Variants in SOD2 observed in about 807,000 individuals in gnomAD.
The protein encoded by SOD2 is superoxide dismutase 2, also known as superoxide dismutase [Mn], mitochondrial.
In SOD2, 11 loss-of-function variants were observed where a neutral mutation model predicts 27.0. That is an observed-to-expected ratio of 0.41 (90% CI 0.26 to 0.67). The LOEUF is 0.67. Ranked by LOEUF, SOD2 falls within the 30% of genes least tolerant of loss-of-function variation. The pLI, the probability that SOD2 is intolerant of heterozygous loss-of-function variation, is 0.34. For missense variants in SOD2, 250 were observed against 274.5 expected (o/e 0.91, Z 0.63); for synonymous variants, 105 against 103.0 (o/e 1.02, Z -0.12).
At chr6:159,694,798 T>C (rs1440279833), upstream of SOD2, among the ~76,000 whole-genome samples, 1 of 151,318 alleles carries the variant, frequency 6.6e-6, no homozygotes, top group Non-Finnish European at 1.5e-5. Flanking sequence ...GAGACGGGGT[T>C]TCACTATGTT....
upstream of SOD2, among the ~76,000 whole-genome samples, chr6:159,731,391 C>A (rs1000024361): frequency 3.3e-5 from 5 of 151,984 alleles, no homozygotes; most frequent in African/African-American, 1.2e-4. Flanking sequence ...TCAGTTGAGC[C>A]CAAGAGATGG....
rs941926687 is a variant in SOD2, at chr6:159,677,347, A to C, written c.*5146T>G. 5.3e-5 allele frequency: 8 copies of C among 152,096 alleles called. No individual in the cohort carries two copies. The highest frequency in any genetic ancestry group is 1.2e-4 in the Non-Finnish European group (8 of 68,036). 9.4% of individuals were successfully genotyped at this position (152,096 alleles called of 1,614,324 possible). On this transcript the variant is annotated 3_prime_UTR_variant, in exon 5 of 5. Coordinates refer to ENST00000538183, the MANE Select transcript of SOD2 (RefSeq NM_000636.4). ...CCAGAAGCATCTTGACAACAGAAGC[A>C]CTCTCATTACTGTAAAGCCCACAAT...
At chr6:159,743,029 G>C (rs538165416) in intron 1 of SOD2, among the ~76,000 whole-genome samples, 3 of 152,252 alleles carry the variant, frequency 2.0e-5, no homozygotes, top group African/African-American at 7.2e-5. Flanking sequence ...AAATTGTCCA[G>C]CAGTTATTAC....
chr6:159,687,068 T>C (rs867476830), intron 3 of SOD2, among the ~76,000 whole-genome samples: 1 of 152,028 alleles, frequency 6.6e-6, no homozygotes. Context: ...GAGTGAAAAA[T>C]AGCAAATGAC....
chr6:159,684,721 ACT>A (rs1457258787), intron 4 of SOD2, 131 bp downstream of exon 4: 9 of 583,302 alleles, frequency 1.5e-5, no homozygotes, highest in Non-Finnish European at 2.6e-5. Context: ...CTTACACAAG[ACT>A]CTGGGTGTTA....
At chr6:159,753,746 G>A (rs1779902907) in intron 1 of SOD2, 2 of 1,161,758 alleles carry the variant, frequency 1.7e-6, no homozygotes, top group Non-Finnish European at 2.3e-6. Flanking sequence ...ATTATTGTGA[G>A]TGAAGCATTT....
intron 1 of SOD2, among the ~76,000 whole-genome samples, chr6:159,742,650 A>G (rs1268511696): frequency 6.6e-6 from 1 of 152,128 alleles, no homozygotes; most frequent in Non-Finnish European, 1.5e-5. Context: ...TGAATCACAT[A>G]CTATTTGTTG....
rs918316534 is a variant in SOD2, at chr6:159,671,548, A to T, written c.*10945T>A. The T allele has an allele frequency of 6.6e-6, 1 of 152,318 alleles. No individual in the cohort carries two copies. The highest frequency in any genetic ancestry group is 2.4e-5 in the African/African-American group (1 of 41,472). 9.4% of individuals were successfully genotyped at this position (152,318 alleles called of 1,614,324 possible). On this transcript the variant is annotated 3_prime_UTR_variant, in exon 5 of 5. Transcript: ENST00000538183. ...CTGGCGGTCCTGACTGTTAGAAGGA[A>T]AACTAACAAACAGAAAGGACATCCA... is the stretch of plus-strand genomic sequence containing the variant.
intron 1 of SOD2, among the ~76,000 whole-genome samples, chr6:159,743,337 G>C (rs1421474685): frequency 1.3e-5 from 2 of 152,228 alleles, no homozygotes; most frequent in African/African-American, 4.8e-5. Context: ...GTGAGCCTCT[G>C]TGCCCAGACA....
intron 1 of SOD2, among the ~76,000 whole-genome samples, chr6:159,702,716 T>C (rs898947392): frequency 1.5e-4 from 20 of 130,732 alleles, no homozygotes; most frequent in African/African-American, 5.5e-4. Flanking sequence ...CCAGGCATGG[T>C]GGTGTGCGCC....
intron 1 of SOD2, among the ~76,000 whole-genome samples, chr6:159,720,950 G>A (rs1268155896): frequency 7.1e-6 from 1 of 141,462 alleles, no homozygotes; most frequent in African/African-American, 2.6e-5. Context: ...TCTGCTCCTG[G>A]GTTCAAGTGA....
chr6:159,743,714 A>G, intron 1 of SOD2: 2 of 1,613,484 alleles, frequency 1.2e-6, no homozygotes, highest in Non-Finnish European at 1.7e-6. Context: ...TAAAGCAACA[A>G]CAGCAGGAGT....
Position 159,680,160 on chromosome 6 carries a change from T to C in SOD2, c.*2333A>G, listed in dbSNP as rs1206739446. On this transcript the variant is annotated 3_prime_UTR_variant, in exon 5 of 5. Transcript: ENST00000538183. ...GCTTAGTAGGAATCAAAAAGCTTTA[T>C]ATAAGTCAGCAGATCTGCAAACCTT... 1 of 152,252 alleles carries C rather than the reference T, an allele frequency of 6.6e-6. No individual in the cohort carries two copies. The highest frequency in any genetic ancestry group is 1.5e-5 in the Non-Finnish European group (1 of 68,048). The allele number at this position is 152,252 out of a possible 1,614,324, so 9.4% of individuals were successfully genotyped here.
chr6:159,716,650 A>G (rs776841480), intron 1 of SOD2, among the ~76,000 whole-genome samples: 2 of 152,202 alleles, frequency 1.3e-5, no homozygotes, highest in Non-Finnish European at 2.9e-5. Flanking sequence ...CATCAAGGGC[A>G]TGACGGGAGG....
intron 1 of SOD2, among the ~76,000 whole-genome samples, chr6:159,711,845 A>C (rs1331642939): frequency 3.1e-5 from 4 of 128,408 alleles, no homozygotes; most frequent in Admixed American, 7.7e-5. Flanking sequence ...TCTGACCACC[A>C]TAACCACCTC....
chr6:159,726,899 CCTCT>C (rs899694886), intron 1 of SOD2: 53 of 1,289,008 alleles, frequency 4.1e-5, no homozygotes, highest in Non-Finnish European at 5.4e-5. Flanking sequence ...CCGCCCACGG[CCTCT>C]CTCTTGAGGT....
intron 1 of SOD2, chr6:159,736,400 T>C (rs1778919402): frequency 7.7e-6 from 7 of 908,076 alleles, no homozygotes; most frequent in Admixed American, 2.2e-5. Flanking sequence ...CGTTGTTTGC[T>C]TATTTTTCAT....
chr6:159,755,159 T>C lies in SOD2; in HGVS notation c.-336+5878A>G, dbSNP rs919845109. 3 of 1,614,024 alleles carry C rather than the reference T, an allele frequency of 1.9e-6. No homozygotes were observed. The highest frequency in any genetic ancestry group is 2.5e-6 in the Non-Finnish European group (3 of 1,180,032). Reference sequence around the variant, plus strand: ...GTACCAGCAGCAGCAGTCTCAGGCCTCTGCCCCAAGTACCAGCAGGACTAC... The same window carrying C: ...GTACCAGCAGCAGCAGTCTCAGGCCCCTGCCCCAAGTACCAGCAGGACTAC... On this transcript the variant is annotated intron_variant, in intron 1 of 7. Transcript: ENST00000546087.
chr6:159,702,311 T>C (rs968054122), intron 1 of SOD2, among the ~76,000 whole-genome samples: 3 of 150,890 alleles, frequency 2.0e-5, no homozygotes, highest in East Asian at 2.0e-4. Context: ...TTTTTTTTTT[T>C]CTTGAGACTG....
Sources: gnomAD v4.1 joint callset for allele counts (sites outside exome capture counted in the v4.1 genomes callset) on GRCh38, gnomAD v4.1.1 for gene constraint, MANE v1.5 for transcripts, NCBI Gene and HGNC (gene_info 2026-07-23, HGNC 2026-07-21) for gene names.